The following PRDM11 variants were observed in gnomAD, a reference collection of about 807,000 sequenced individuals.
The protein encoded by PRDM11 is PR/SET domain 11.
In PRDM11, 20 loss-of-function variants were observed where a neutral mutation model predicts 97.8. That is an observed-to-expected ratio of 0.20 (90% CI 0.14 to 0.30). The LOEUF (loss-of-function observed/expected upper bound fraction) is 0.30. PRDM11 is among the 10% of genes least tolerant of loss of function. The pLI is 1.00. For synonymous variants in PRDM11, 599 were observed against 637.7 expected (o/e 0.94, Z 0.91); for missense variants, 1,139 against 1,555.2 (o/e 0.73, Z 4.50).
At chr11:45,140,256 T>C in intron 1 of PRDM11, among the ~76,000 whole-genome samples, 1 of 152,206 alleles carries the variant, frequency 6.6e-6, no homozygotes, top group Admixed American at 6.5e-5. Context: ...GCTGTATGGA[T>C]TGACATGTGG....
At chr11:45,191,517 T>C (rs1201575699) in intron 4 of PRDM11, among the ~76,000 whole-genome samples, 1 of 152,248 alleles carries the variant, frequency 6.6e-6, no homozygotes, top group African/African-American at 2.4e-5. Context: ...TGAATTCTTT[T>C]TTTATTCAAT....
In PRDM11 at chr11:45,219,784, C is replaced by T. The variant is rs759094774; in HGVS notation, c.742+27C>T. The T allele has an allele frequency of 5.0e-6, 8 of 1,598,842 alleles. No homozygotes were observed. The Admixed American group carries it at 5.1e-5, about 10-fold the overall frequency. On this transcript the variant is annotated intron_variant, in intron 6 of 7. Transcript: ENST00000683152. This position sits in a 1 kb window ranked among gnomAD's most constrained non-coding sequence, Gnocchi z 4.2. ...TGAGTGCCATGCTCCACATGAGCTGCGCCCACCTCTGAGCCCCAGGGGAGG... is the reference window on the plus strand; with the variant it reads ...TGAGTGCCATGCTCCACATGAGCTGTGCCCACCTCTGAGCCCCAGGGGAGG...
At chr11:45,179,984 A>T (rs922588548) in intron 1 of PRDM11, among the ~76,000 whole-genome samples, 2 of 152,204 alleles carry the variant, frequency 1.3e-5, no homozygotes, top group Non-Finnish European at 2.9e-5. Flanking sequence ...TGGCAGCTGG[A>T]CTTCTGAGCT....
upstream of PRDM11, among the ~76,000 whole-genome samples, chr11:45,144,063 C>T (rs1851457952): frequency 6.6e-6 from 1 of 152,224 alleles, no homozygotes; most frequent in Non-Finnish European, 1.5e-5. Context: ...CATGTGTCAA[C>T]CCTCCAACTG....
chr11:45,194,929 C>A (rs546276276), intron 4 of PRDM11, among the ~76,000 whole-genome samples: 1 of 152,032 alleles, frequency 6.6e-6, no homozygotes, highest in Non-Finnish European at 1.5e-5. Context: ...GATTGGGAAA[C>A]TGGGGCTTAA....
At chr11:45,143,072 CTCT>C (rs371551178), upstream of PRDM11, among the ~76,000 whole-genome samples, 41 of 152,330 alleles carry the variant, frequency 2.7e-4, no homozygotes, top group East Asian at 7.3e-3. Context: ...AGTTACGGAG[CTCT>C]TCTTATTAGC....
intron 6 of PRDM11, among the ~76,000 whole-genome samples, chr11:45,220,388 A>G (rs1854086947): frequency 6.6e-6 from 1 of 152,356 alleles, no homozygotes; most frequent in African/African-American, 2.4e-5. Context: ...TGAGAAGTAG[A>G]TGGAGTCATG....
At chr11:45,131,694 T>C (rs930494718) in intron 1 of PRDM11, among the ~76,000 whole-genome samples, 1 of 152,238 alleles carries the variant, frequency 6.6e-6, no homozygotes, top group Non-Finnish European at 1.5e-5. Context: ...AAAATGTTCA[T>C]GGTATATTAT....
intron 4 of PRDM11, among the ~76,000 whole-genome samples, chr11:45,184,843 G>A (rs768995527): frequency 6.6e-6 from 1 of 152,140 alleles, no homozygotes. Flanking sequence ...GTCAGTGGGG[G>A]TGTGGGTGTG....
Position 45,204,691 on chromosome 11 carries a change from ACT to A in PRDM11, c.487-17_487-16del. 6.2e-7 allele frequency: 1 copy of A among 1,604,008 alleles called. No individual in the cohort carries two copies. The highest frequency in any genetic ancestry group is 8.5e-7 in the Non-Finnish European group (1 of 1,171,028). On this transcript the variant is annotated intron_variant, in intron 4 of 7. Transcript: ENST00000683152. ...ACCCCTCTAGAATGGCCCATCCTAG[ACT>A]CTTTCTCTTTCTTCCAGATTGTGGA... is the stretch of plus-strand genomic sequence containing the variant.
At chr11:45,127,365 TC>T (rs1205951413) in intron 1 of PRDM11, among the ~76,000 whole-genome samples, 3 of 152,264 alleles carry the variant, frequency 2.0e-5, no homozygotes, top group African/African-American at 7.2e-5. Flanking sequence ...CCAGCTTTGT[TC>T]CGTTGCTGGT....
In PRDM11 at chr11:45,204,763, A is replaced by G; in HGVS notation, c.539A>G (p.Lys180Arg). 6.2e-7 allele frequency: 1 copy of G among 1,611,766 alleles called. No homozygotes were observed. Among genetic ancestry groups the G allele is most frequent in the Non-Finnish European group, 8.5e-7 (1 of 1,177,852 alleles). The change falls in exon 5 of 8, where the codon AAA (lysine) becomes AGA (arginine). Residue 180 changes from lysine to arginine, a missense_variant. Around this residue, in one of 2 missense-constraint regions of PRDM11, gnomAD observed 429 missense variants for 510.3 expected, o/e 0.84. Transcript: ENST00000683152. Reference sequence around the variant, plus strand: ...TCCATAGATGGCTCAGACGAGACCAAAGCCAACTGGATGAGGTGAGCCCTG... The same window carrying G: ...TCCATAGATGGCTCAGACGAGACCAGAGCCAACTGGATGAGGTGAGCCCTG... ...YKSIDGSDETKANWMRYVVIS... is the reference protein window; with the variant it reads ...YKSIDGSDETRANWMRYVVIS...
chr11:45,158,249 C>T (rs1037971667), intron 1 of PRDM11, among the ~76,000 whole-genome samples: 7 of 152,192 alleles, frequency 4.6e-5, no homozygotes, highest in African/African-American at 1.7e-4. Flanking sequence ...GTGCCTGGGC[C>T]TGCATGTGGC....
rs1740347103 is a variant in PRDM11 at position 45,228,878 on chromosome 11, C to G, written c.*719C>G. 1 of 152,246 alleles carries G rather than the reference C, an allele frequency of 6.6e-6. No individual in the cohort carries two copies. The highest frequency in any genetic ancestry group is 1.5e-5 in the Non-Finnish European group (1 of 68,088). The allele number at this position is 152,246 out of a possible 1,614,324, so 9.4% of individuals were successfully genotyped here. A position where few individuals can be genotyped will look rare whatever the true frequency, so the allele number is the denominator to read the frequency against. On this transcript the variant is annotated 3_prime_UTR_variant, in exon 8 of 8. Transcript: ENST00000683152. ...CCTCGTCCATCCCTGGGTTGTGGAT[C>G]CCTTCCTTCCAGCCCCCCCTGGAAA...
At chr11:45,160,495 A>G (rs1022528604) in intron 1 of PRDM11, among the ~76,000 whole-genome samples, 4 of 152,202 alleles carry the variant, frequency 2.6e-5, no homozygotes, top group Non-Finnish European at 5.9e-5. Context: ...AATACGTACC[A>G]CTGCAGAGTG....
At chr11:45,210,348 C>G (rs1355391573) in intron 5 of PRDM11, among the ~76,000 whole-genome samples, 1 of 152,210 alleles carries the variant, frequency 6.6e-6, no homozygotes, top group Non-Finnish European at 1.5e-5. Context: ...AAGCCAGGGC[C>G]CCAGCGGCCG....
intron 1 of PRDM11, among the ~76,000 whole-genome samples, chr11:45,125,793 G>T (rs1010263067): frequency 6.6e-6 from 1 of 152,098 alleles, no homozygotes; most frequent in Non-Finnish European, 1.5e-5. Context: ...GTGTGGTGTG[G>T]TGCTGAAAAA....
At chr11:45,154,083 A>G (rs980621793) in intron 1 of PRDM11, among the ~76,000 whole-genome samples, 2 of 152,220 alleles carry the variant, frequency 1.3e-5, no homozygotes, top group African/African-American at 4.8e-5. Context: ...GGCTGGGCAC[A>G]GTGGCTCATG....
At chr11:45,095,241 C>T (rs558114416), upstream of PRDM11, among the ~76,000 whole-genome samples, 3 of 152,300 alleles carry the variant, frequency 2.0e-5, no homozygotes, top group Admixed American at 6.5e-5. Flanking sequence ...CCTTCTAAGC[C>T]GTGGGGACAG....
Sources: allele counts gnomAD v4.1 joint callset (sites outside exome capture counted in the v4.1 genomes callset), GRCh38; gene constraint gnomAD v4.1.1; regional missense constraint gnomAD v4.1.1; non-coding constraint Gnocchi (gnomAD v3.1); transcripts MANE v1.5; gene names NCBI Gene and HGNC (gene_info 2026-07-23, HGNC 2026-07-21).